Variants in ZBBX observed in about 807,000 individuals in gnomAD.
The protein encoded by ZBBX is zinc finger B-box domain-containing protein 1.
ZBBX carries 101 observed loss-of-function variants against 108.5 expected under a neutral mutation model. That is an observed-to-expected ratio of 0.93 (90% CI 0.79 to 1.10). ZBBX has a LOEUF of 1.10. Among genes scored for constraint, ZBBX ranks in the 50% least tolerant of loss-of-function variants. The pLI is 0.00. For synonymous variants in ZBBX, 356 were observed against 323.4 expected (o/e 1.10, Z -1.08); for missense variants, 1,009 against 941.4 (o/e 1.07, Z -0.94).
At chr3:167,299,781 T>C (rs1318735783) in intron 17 of ZBBX, among the ~76,000 whole-genome samples, 1 of 152,162 alleles carries the variant, frequency 6.6e-6, no homozygotes, top group African/African-American at 2.4e-5. Context: ...TGGAATGGCT[T>C]CTACTAGGAC....
rs76705791 is a variant in ZBBX at position 167,335,048 on chromosome 3, C to T, written c.529-1063G>A. Among the ~76,000 whole-genome samples, 788 of 152,252 alleles carry T rather than the reference C, an allele frequency of 5.2e-3. 3 individuals carry two copies. The highest frequency in any genetic ancestry group is 0.018 in the African/African-American group (768 of 41,554). The stretch of plus-strand genomic sequence containing the variant: ...ACTCCAACAAGTCTAGGAACCCTTC[C>T]TTGCACACTGCACTACCCCAACTGT... On this transcript the variant is annotated intron_variant, in intron 9 of 21. Coordinates refer to ENST00000675490, the MANE Select transcript of ZBBX (RefSeq NM_001199201.2).
chr3:167,268,847 T>A (rs1227459391), intron 20 of ZBBX, among the ~76,000 whole-genome samples: 1 of 152,150 alleles, frequency 6.6e-6, no homozygotes, highest in African/African-American at 2.4e-5. Flanking sequence ...CACATACTTC[T>A]AAACAAAGCT....
At chr3:167,397,193 C>G (rs1018879623) in intron 1 of ZBBX, among the ~76,000 whole-genome samples, 1 of 126,446 alleles carries the variant, frequency 7.9e-6, no homozygotes, top group Non-Finnish European at 1.6e-5. Context: ...AAAATGCTTT[C>G]TCCTACATCT....
chr3:167,322,843 G>C (rs12638499), intron 11 of ZBBX, among the ~76,000 whole-genome samples: 38,943 of 151,744 alleles, frequency 0.26, 6,233 homozygotes, highest in East Asian at 0.65. Context: ...TATCGTTCCT[G>C]TCTCCAAACT....
chr3:167,305,654 T>C lies in ZBBX; in HGVS notation c.1714A>G (p.Lys572Glu). Residue 572 changes from lysine (K) to glutamate (E), a missense_variant, in exon 17 of 22, where the codon AAG (lysine) becomes GAG (glutamate). Coordinates refer to ENST00000675490, the MANE Select transcript of ZBBX (RefSeq NM_001199201.2). ...TAATAGAGATTTACCAGTGATGACT[T>C]TGTAGTTTTTGATTCTTCAAAGCTT... ...RPSFEESKTT[K>E]SSLLLQEIAC... 1.3e-6 allele frequency: 2 copies of C among 1,557,586 alleles called. No individual in the cohort carries two copies. Among genetic ancestry groups the C allele is most frequent in the Non-Finnish European group, 1.7e-6 (2 of 1,157,980 alleles).
intron 9 of ZBBX, among the ~76,000 whole-genome samples, chr3:167,345,683 T>C (rs1023227059): frequency 6.6e-6 from 1 of 151,728 alleles, no homozygotes; most frequent in African/African-American, 2.4e-5. Context: ...GCTACCATTA[T>C]TGACTTTCTT....
the ZBBX span, among the ~76,000 whole-genome samples, chr3:167,214,090 AC>A: frequency 6.6e-6 from 1 of 152,128 alleles, no homozygotes. Flanking sequence ...CCACACTTCA[AC>A]ACACAGACTA....
chr3:167,189,869 A>G, the ZBBX span, among the ~76,000 whole-genome samples: 1 of 152,212 alleles, frequency 6.6e-6, no homozygotes, highest in African/African-American at 2.4e-5. Flanking sequence ...GGATAAATAT[A>G]TAATGACAAT....
chr3:167,348,368 G>GAAAGAA (rs1431515037), intron 9 of ZBBX, among the ~76,000 whole-genome samples: 4 of 111,586 alleles, frequency 3.6e-5, no homozygotes, highest in South Asian at 5.7e-4. Flanking sequence ...AAGAAAGAAA[G>GAAAGAA]AAAAAAAAGA....
At chr3:167,192,455 C>T in the ZBBX span, among the ~76,000 whole-genome samples, 3 of 152,048 alleles carry the variant, frequency 2.0e-5, no homozygotes, top group East Asian at 5.8e-4. Context: ...TCATTCTAAT[C>T]CCTCCTGGCC....
intron 20 of ZBBX, among the ~76,000 whole-genome samples, chr3:167,278,848 T>A (rs1728201614): frequency 6.6e-6 from 1 of 151,684 alleles, no homozygotes; most frequent in Admixed American, 6.6e-5. Flanking sequence ...GCAAAAATCC[T>A]CAATAAAATA....
At chr3:167,248,734 ACCC>A (rs1424583012) in intron 20 of ZBBX, 6 of 439,632 alleles carry the variant, frequency 1.4e-5, no homozygotes, top group Non-Finnish European at 2.8e-5. Flanking sequence ...TACCAACTAA[ACCC>A]CCCACCTCAC....
intron 8 of ZBBX, among the ~76,000 whole-genome samples, chr3:167,353,554 T>C (rs550675176): frequency 6.6e-6 from 1 of 152,068 alleles, no homozygotes; most frequent in East Asian, 1.9e-4. Flanking sequence ...GTGGCTATGA[T>C]GTTCCCATTC....
At chr3:167,313,942 TTAA>T (rs1735015370) in intron 16 of ZBBX, 29 bp downstream of exon 16, 2 of 1,541,844 alleles carry the variant, frequency 1.3e-6, no homozygotes, top group South Asian at 1.3e-5. Context: ...ACATGCACTG[TTAA>T]TAATATCCAG....
At chr3:167,286,844 C>A (rs1040803431) in intron 19 of ZBBX, among the ~76,000 whole-genome samples, 5 of 152,084 alleles carry the variant, frequency 3.3e-5, no homozygotes, top group African/African-American at 1.2e-4. Context: ...GATGTTTTTA[C>A]ATTCATGACT....
At chr3:167,207,548 T>C in the ZBBX span, among the ~76,000 whole-genome samples, 3 of 152,198 alleles carry the variant, frequency 2.0e-5, no homozygotes, top group African/African-American at 4.8e-5. Context: ...GGTGTATATA[T>C]ACACAATGGA....
rs149788263 is a variant in ZBBX at position 167,328,853 on chromosome 3, A to G, written c.688-737T>C. ...CCTCACTACCAATTCTAAAACTAATAGGCCCCCTTTCCCCCATTTAATAAT... is the reference window on the plus strand; with the variant it reads ...CCTCACTACCAATTCTAAAACTAATGGGCCCCCTTTCCCCCATTTAATAAT... On this transcript the variant is annotated intron_variant, in intron 10 of 21. Transcript: ENST00000675490. 6.7e-3 allele frequency among the ~76,000 whole-genome samples: 1,019 copies of G among 152,266 alleles called. 14 individuals carry two copies. Among genetic ancestry groups the G allele is most frequent in the African/African-American group, 0.023 (961 of 41,540 alleles).
chr3:167,252,155 C>T (rs1319817917), intron 20 of ZBBX: 1 of 1,289,364 alleles, frequency 7.8e-7, no homozygotes, highest in African/African-American at 1.5e-5. Flanking sequence ...TCTTATTCTC[C>T]CAGCTCCTTA....
intron 18 of ZBBX, among the ~76,000 whole-genome samples, chr3:167,291,062 A>C (rs1230213170): frequency 1.3e-5 from 2 of 152,164 alleles, no homozygotes; most frequent in African/African-American, 2.4e-5. Flanking sequence ...CTGTGTGAAA[A>C]GACCAAATCT....
Sources: gnomAD v4.1 joint callset for allele counts (sites outside exome capture counted in the v4.1 genomes callset) on GRCh38, gnomAD v4.1.1 for gene constraint, MANE v1.5 for transcripts, NCBI Gene and HGNC (gene_info 2026-07-23, HGNC 2026-07-21) for gene names.